The following MAGI1 variants were observed in gnomAD, a reference collection of about 807,000 sequenced individuals.
MAGI1 encodes membrane-associated guanylate kinase, WW and PDZ domain-containing protein 1.
Under a neutral mutation model 139.9 loss-of-function variants are expected in MAGI1, and 58 were observed. The observed-to-expected ratio is 0.41, with a 90% CI of 0.34 to 0.52. The LOEUF (loss-of-function observed/expected upper bound fraction) is 0.52. Among genes scored for constraint, MAGI1 ranks in the 20% least tolerant of loss-of-function variants. The probability of loss-of-function intolerance (pLI) is 0.12; values close to 1 mark genes in which losing one functional copy is unlikely to be tolerated. For synonymous variants in MAGI1, 812 were observed against 737.9 expected (o/e 1.10, Z -1.63); for missense variants, 1,874 against 1,901.6 (o/e 0.99, Z 0.27).
chr3:65,837,757 TG>T (rs1257544061), intron 1 of MAGI1, among the ~76,000 whole-genome samples: 1 of 152,218 alleles, frequency 6.6e-6, no homozygotes, highest in African/African-American at 2.4e-5. Context: ...TGGTCTGTTT[TG>T]CTCATCTCTG....
At chr3:65,680,788 G>GATATGATATGAT (rs1553690369) in intron 1 of MAGI1, among the ~76,000 whole-genome samples, 2 of 137,084 alleles carry the variant, frequency 1.5e-5, no homozygotes, top group Non-Finnish European at 3.0e-5. Flanking sequence ...GATATGATAT[G>GATATGATATGAT]ATATGATATA....
chr3:66,016,442 G>C (rs1384818582), intron 1 of MAGI1, among the ~76,000 whole-genome samples: 1 of 152,152 alleles, frequency 6.6e-6, no homozygotes, highest in African/African-American at 2.4e-5. Flanking sequence ...CAGAAAGGTG[G>C]AAGGGTCGAC....
chr3:66,027,863 T>C lies in MAGI1; in HGVS notation c.313+10133A>G, dbSNP rs576832380. On this transcript the variant is annotated intron_variant, in intron 1 of 22. Coordinates refer to ENST00000402939, the MANE Select transcript of MAGI1 (RefSeq NM_001033057.2). ...AGCAGGGTCCCGGGCCTCTACTCTCTAGATGCCAGAAGCAACCCTCTCCTT... is the reference window on the plus strand; with the variant it reads ...AGCAGGGTCCCGGGCCTCTACTCTCCAGATGCCAGAAGCAACCCTCTCCTT... Among the ~76,000 whole-genome samples the C allele has an allele frequency of 2.6e-5, 4 of 152,276 alleles. No individual in the cohort carries two copies. The South Asian group carries it at 6.2e-4, about 24-fold the overall frequency.
At chr3:65,602,461 C>G (rs769665849) in intron 2 of MAGI1, among the ~76,000 whole-genome samples, 48 of 150,868 alleles carry the variant, frequency 3.2e-4, no homozygotes, top group Non-Finnish European at 5.8e-4. Flanking sequence ...TTGTGTTATT[C>G]CATTTATATG....
intron 1 of MAGI1, among the ~76,000 whole-genome samples, chr3:65,761,578 G>A (rs959767680): frequency 2.0e-4 from 30 of 152,236 alleles, no homozygotes; most frequent in African/African-American, 6.5e-4. Flanking sequence ...AACGCAGGGA[G>A]GTTAAGAGGA....
intron 1 of MAGI1, among the ~76,000 whole-genome samples, chr3:65,647,601 C>T (rs762330986): frequency 7.9e-5 from 12 of 152,078 alleles, no homozygotes; most frequent in Non-Finnish European, 1.6e-4. Flanking sequence ...TGGTTCAATA[C>T]CTGAAAATCA....
chr3:65,677,280 G>A (rs865934583), intron 1 of MAGI1, among the ~76,000 whole-genome samples: 1 of 152,056 alleles, frequency 6.6e-6, no homozygotes, highest in Non-Finnish European at 1.5e-5. Context: ...TATTTTGGGA[G>A]GGGATTTTTA....
intron 22 of MAGI1, among the ~76,000 whole-genome samples, chr3:65,358,879 C>A (rs79106195): frequency 0.025 from 3,880 of 152,288 alleles, 134 homozygotes; most frequent in African/African-American, 0.075. Context: ...TCACCAGTGG[C>A]TTCTTATGCC....
At chr3:65,406,936 A>G (rs1210887602) in intron 12 of MAGI1, among the ~76,000 whole-genome samples, 2 of 152,202 alleles carry the variant, frequency 1.3e-5, no homozygotes, top group Non-Finnish European at 2.9e-5. Context: ...TAGATACCAA[A>G]GAAGATAAAA....
intron 1 of MAGI1, among the ~76,000 whole-genome samples, chr3:65,939,417 G>A (rs969417101): frequency 5.3e-5 from 8 of 152,024 alleles, no homozygotes; most frequent in South Asian, 2.1e-4. Flanking sequence ...TGTGAACTCC[G>A]CACAAATTAC....
chr3:65,852,332 G>A (rs554230985), intron 1 of MAGI1, among the ~76,000 whole-genome samples: 8 of 152,016 alleles, frequency 5.3e-5, no homozygotes, highest in Non-Finnish European at 1.0e-4. Context: ...CAGAAAGGAA[G>A]AGGAGGGTAG....
At chr3:65,961,313 T>C (rs1266804224) in intron 1 of MAGI1, among the ~76,000 whole-genome samples, 4 of 152,202 alleles carry the variant, frequency 2.6e-5, no homozygotes, top group Non-Finnish European at 4.4e-5. Flanking sequence ...CCATAATGCA[T>C]TTCCCCTCAC....
intron 2 of MAGI1, among the ~76,000 whole-genome samples, chr3:65,567,325 C>G (rs1429236566): frequency 6.6e-6 from 1 of 152,004 alleles, no homozygotes; most frequent in East Asian, 1.9e-4. Context: ...TCCACACTCA[C>G]GCTGACTGTG....
intron 1 of MAGI1, among the ~76,000 whole-genome samples, chr3:65,763,896 C>A (rs2037250770): frequency 6.6e-6 from 1 of 151,586 alleles, no homozygotes; most frequent in South Asian, 2.1e-4. Context: ...CATGGAGAAA[C>A]CCCATCTCTA....
intron 1 of MAGI1, among the ~76,000 whole-genome samples, chr3:65,770,714 G>A (rs1315867008): frequency 1.3e-5 from 2 of 151,966 alleles, no homozygotes; most frequent in African/African-American, 4.8e-5. Flanking sequence ...TTTTGAAGTG[G>A]AGTCTCGCTC....
At chr3:65,842,240 TA>T (rs1474717710) in intron 1 of MAGI1, among the ~76,000 whole-genome samples, 1 of 152,172 alleles carries the variant, frequency 6.6e-6, no homozygotes, top group East Asian at 1.9e-4. Flanking sequence ...TTTGTAACAC[TA>T]AAATTTACAA....
intron 1 of MAGI1, among the ~76,000 whole-genome samples, chr3:65,732,706 C>T (rs556672423): frequency 1.3e-4 from 20 of 152,308 alleles, no homozygotes; most frequent in African/African-American, 4.3e-4. Flanking sequence ...AAAAATCCTG[C>T]TACAGATTAT....
chr3:65,385,967 A>C lies in MAGI1; in HGVS notation c.2417-2344T>G, dbSNP rs1943416670. ...AGCAAGAGGATTATTACTGAAATAG[A>C]CCACTGGTGCTTTCCAGCCAGCACT... is the stretch of plus-strand genomic sequence containing the variant. On this transcript the variant is annotated intron_variant, in intron 14 of 22. Transcript: ENST00000402939. Among the ~76,000 whole-genome samples, 4 of 152,184 alleles carry C rather than the reference A, an allele frequency of 2.6e-5. No homozygotes were observed. In the South Asian group the frequency reaches 8.3e-4, roughly 32 times the overall value.
intron 1 of MAGI1, among the ~76,000 whole-genome samples, chr3:65,994,950 A>G (rs1361274505): frequency 6.6e-6 from 1 of 152,194 alleles, no homozygotes; most frequent in Non-Finnish European, 1.5e-5. Flanking sequence ...ATTTGCAGAG[A>G]GGAAATTAAC....
Sources: gnomAD v4.1 joint callset for allele counts (sites outside exome capture counted in the v4.1 genomes callset) on GRCh38, gnomAD v4.1.1 for gene constraint, MANE v1.5 for transcripts, NCBI Gene and HGNC (gene_info 2026-07-23, HGNC 2026-07-21) for gene names.